LMBRD1: variants seen among roughly 807,000 people sequenced by gnomAD.
LMBRD1 encodes the protein lysosomal cobalamin transport escort protein LMBD1.
A neutral mutation model predicts 74.8 loss-of-function variants in LMBRD1; 64 were observed. The ratio of observed to expected loss-of-function variants is 0.86; its 90% CI spans 0.70 to 1.05. The LOEUF (loss-of-function observed/expected upper bound fraction) is 1.05, where lower values mean the gene tolerates loss of function less well. Among genes scored for constraint, LMBRD1 ranks in the 50% least tolerant of loss-of-function variants. LMBRD1 has a pLI of 0.00. For missense variants in LMBRD1, 652 were observed against 645.9 expected (o/e 1.01, Z -0.10); for synonymous variants, 204 against 216.3 (o/e 0.94, Z 0.50).
chr6:69,777,139 C>T lies in LMBRD1; in HGVS notation c.307+3355G>A, dbSNP rs930253536. ...CTCTAGCCTGGACAACAAAGGGAGG[C>T]TCCATCTCAAAAAAATTAAAAAAGG... On this transcript the variant is annotated intron_variant, in intron 3 of 15. Coordinates refer to ENST00000649934, the MANE Select transcript of LMBRD1 (RefSeq NM_018368.4). 1.1e-4 allele frequency among the ~76,000 whole-genome samples: 16 copies of T among 151,628 alleles called. No individual in the cohort carries two copies. In the East Asian group the frequency reaches 1.9e-3, roughly 18 times the overall value.
chr6:69,702,048 C>A (rs1371300554), intron 9 of LMBRD1, 95 bp from the exon 10 acceptor site: 7 of 755,314 alleles, frequency 9.3e-6, no homozygotes, highest in South Asian at 6.1e-5. Flanking sequence ...TAGAATATGA[C>A]AATGATCTAA....
Position 69,700,764 on chromosome 6 carries a change from C to T in LMBRD1, c.1188+1G>A. 6.7e-7 allele frequency: 1 copy of T among 1,496,944 alleles called. No individual in the cohort carries two copies. The highest frequency in any genetic ancestry group is 1.3e-5 in the South Asian group (1 of 79,936). The allele number at this position is 1,496,944 out of a possible 1,614,324, so 92.7% of individuals were successfully genotyped here. On this transcript the variant is annotated splice_donor_variant, in intron 12 of 15. Transcript: ENST00000649934. LOFTEE classifies it high-confidence loss of function. ...AAAATAATACTGTAATATATACTTA[C>T]TCTAATCCAAAAGAACCATATGCCA...
intron 7 of LMBRD1, among the ~76,000 whole-genome samples, chr6:69,722,658 T>C (rs1766641620): frequency 1.3e-5 from 2 of 152,132 alleles, no homozygotes; most frequent in Non-Finnish European, 2.9e-5. Flanking sequence ...TACGCAAGCC[T>C]TGTGGTAACC....
chr6:69,765,950 T>C (rs565345251), intron 3 of LMBRD1, among the ~76,000 whole-genome samples: 26 of 152,122 alleles, frequency 1.7e-4, no homozygotes, highest in Non-Finnish European at 2.7e-4. Flanking sequence ...CTTATACTTG[T>C]GATTCTGCTA....
In LMBRD1 at chr6:69,705,450, G is replaced by A. The variant is rs984640200; in HGVS notation, c.916-3497C>T. The A allele has an allele frequency of 2.3e-6, 3 of 1,324,518 alleles. No homozygotes were observed. The East Asian group carries it at 6.9e-5, about 31-fold the overall frequency. 82.0% of individuals were successfully genotyped at this position (1,324,518 alleles called of 1,614,324 possible). A position where few individuals can be genotyped will look rare whatever the true frequency, so the allele number is the denominator to read the frequency against. ...TGCTTTAATGTCTTCTACAGAACTA[G>A]GTCCTTTTGGTGTTTTAGGAGATTT... On this transcript the variant is annotated intron_variant, in intron 9 of 15. Coordinates refer to ENST00000649934, the MANE Select transcript of LMBRD1 (RefSeq NM_018368.4).
chr6:69,675,898 A>G lies in LMBRD1; in HGVS notation c.*260T>C. ...TTTAATCAATTTAACACTATTATAC[A>G]TTAGAGGAAAAAATTTTGCACAAAC... On this transcript the variant is annotated 3_prime_UTR_variant, in exon 16 of 16. Transcript: ENST00000649934. 1 of 444,004 alleles carries G rather than the reference A, an allele frequency of 2.3e-6. No homozygotes were observed. The highest frequency in any genetic ancestry group is 4.1e-6 in the Non-Finnish European group (1 of 243,106). The allele number at this position is 444,004 out of a possible 1,614,324, so 27.5% of individuals were successfully genotyped here.
At chr6:69,718,522 G>A (rs990167000) in intron 8 of LMBRD1, among the ~76,000 whole-genome samples, 6 of 152,162 alleles carry the variant, frequency 3.9e-5, no homozygotes, top group African/African-American at 1.4e-4. Flanking sequence ...CTTTATAAAG[G>A]AAAGAGGTTT....
chr6:69,676,361 C>A lies in LMBRD1; in HGVS notation c.1509+89G>T, dbSNP rs1043480586. 5 of 1,572,192 alleles carry A rather than the reference C, an allele frequency of 3.2e-6. No homozygotes were observed. In the African/African-American group the frequency reaches 6.8e-5, roughly 21 times the overall value. ...AAAATTCAATGACAGTACTATGATA[C>A]AAATGGCCTAGTAAGATAAAAAGAG... On this transcript the variant is annotated intron_variant, in intron 15 of 15. Transcript: ENST00000649934.
At chr6:69,780,469 G>C in intron 3 of LMBRD1, 25 bp downstream of exon 3, 1 of 1,569,114 alleles carries the variant, frequency 6.4e-7, no homozygotes. Context: ...AGTCCAAATA[G>C]GGAAAGAAAC....
At chr6:69,703,125 G>A (rs1052825490) in intron 9 of LMBRD1, among the ~76,000 whole-genome samples, 16 of 151,944 alleles carry the variant, frequency 1.1e-4, no homozygotes, top group African/African-American at 2.4e-4. Context: ...CTAGGATTCC[G>A]CAAGAGAATT....
intron 2 of LMBRD1, among the ~76,000 whole-genome samples, chr6:69,788,823 A>T (rs9360404): frequency 0.33 from 50,944 of 152,098 alleles, 9,659 homozygotes; most frequent in East Asian, 0.54. Flanking sequence ...TTTAGAAGCC[A>T]TCTTCCCAAG....
intron 7 of LMBRD1, among the ~76,000 whole-genome samples, chr6:69,723,142 T>C (rs1222039090): frequency 1.3e-5 from 2 of 152,112 alleles, no homozygotes; most frequent in Admixed American, 1.3e-4. Flanking sequence ...CAATTATAAA[T>C]GCACCCAACA....
chr6:69,696,208 C>A (rs904119547), intron 14 of LMBRD1, among the ~76,000 whole-genome samples: 68 of 152,284 alleles, frequency 4.5e-4, no homozygotes, highest in African/African-American at 1.6e-3. Context: ...GCTCTACAAC[C>A]AATCAGAAAT....
intron 9 of LMBRD1, among the ~76,000 whole-genome samples, chr6:69,712,528 T>C (rs146844883): frequency 3.3e-5 from 5 of 151,936 alleles, no homozygotes; most frequent in African/African-American, 1.2e-4. Context: ...CACACATACA[T>C]AATTGGAACA....
At chr6:69,750,730 TG>T (rs1765125174) in intron 4 of LMBRD1, among the ~76,000 whole-genome samples, 2 of 152,096 alleles carry the variant, frequency 1.3e-5, no homozygotes, top group South Asian at 2.1e-4. Flanking sequence ...TTATCAAATT[TG>T]TAACTAGCTA....
At chr6:69,766,786 T>C (rs149606396) in intron 3 of LMBRD1, among the ~76,000 whole-genome samples, 1,992 of 151,758 alleles carry the variant, frequency 0.013, 42 homozygotes, top group African/African-American at 0.046. Context: ...ATAATTGGTA[T>C]AATTATTTAA....
chr6:69,678,501 G>A (rs1765593740), intron 14 of LMBRD1, among the ~76,000 whole-genome samples: 2 of 152,098 alleles, frequency 1.3e-5, no homozygotes, highest in Admixed American at 6.6e-5. Flanking sequence ...ACTACATTAT[G>A]TAATTGAGTG....
intron 3 of LMBRD1, among the ~76,000 whole-genome samples, chr6:69,774,049 C>A (rs555177300): frequency 6.6e-6 from 1 of 152,192 alleles, no homozygotes; most frequent in Non-Finnish European, 1.5e-5. Flanking sequence ...TTTGGCTCTG[C>A]GTCCCCACTT....
intron 14 of LMBRD1, among the ~76,000 whole-genome samples, chr6:69,681,926 C>T (rs190081709): frequency 2.6e-5 from 4 of 151,864 alleles, no homozygotes; most frequent in African/African-American, 4.8e-5. Flanking sequence ...GAGTGGAGTA[C>T]AGACTAGAAG....
Sources: gnomAD v4.1 joint callset for allele counts (sites outside exome capture counted in the v4.1 genomes callset) on GRCh38, gnomAD v4.1.1 for gene constraint, MANE v1.5 for transcripts, NCBI Gene and HGNC (gene_info 2026-07-23, HGNC 2026-07-21) for gene names.